BABAM2: variants seen among roughly 807,000 people sequenced by gnomAD.
BABAM2 encodes BRISC and BRCA1-A complex member 2.
Under a neutral mutation model 54.7 loss-of-function variants are expected in BABAM2, and 31 were observed. The observed-to-expected ratio is 0.57, with a 90% CI of 0.43 to 0.77. BABAM2 has a LOEUF of 0.77. Among genes scored for constraint, BABAM2 ranks in the 30% least tolerant of loss-of-function variants. The probability of loss-of-function intolerance (pLI) is 0.00; values close to 1 mark genes in which losing one functional copy is unlikely to be tolerated. For synonymous variants in BABAM2, 167 were observed against 162.9 expected, an observed-to-expected ratio of 1.03 and a Z score of -0.19; for missense variants, 364 against 455.8, an observed-to-expected ratio of 0.80 and a Z score of 1.83.
chr2:28,165,917 C>T (rs1209373131), intron 7 of BABAM2, among the ~76,000 whole-genome samples: 5 of 152,122 alleles, frequency 3.3e-5, no homozygotes, highest in Non-Finnish European at 7.3e-5. Flanking sequence ...GCCTTAACCC[C>T]CTAGTACCTC....
chr2:28,095,896 A>G (rs555792673), intron 6 of BABAM2, among the ~76,000 whole-genome samples: 25 of 152,316 alleles, frequency 1.6e-4, no homozygotes, highest in African/African-American at 5.8e-4. Flanking sequence ...CTGAATTTCT[A>G]CCAAGTACTC....
At chr2:28,160,735 G>GTTTT (rs562679552) in intron 7 of BABAM2, among the ~76,000 whole-genome samples, 5 of 129,170 alleles carry the variant, frequency 3.9e-5, no homozygotes, top group African/African-American at 5.8e-5. Context: ...CATATAAATT[G>GTTTT]TTTTTTTTTT....
chr2:28,006,815 A>G (rs1223783508), intron 4 of BABAM2, among the ~76,000 whole-genome samples: 1 of 152,026 alleles, frequency 6.6e-6, no homozygotes, highest in Non-Finnish European at 1.5e-5. Context: ...TAACCTCTGT[A>G]TACGATATAT....
intron 11 of BABAM2, among the ~76,000 whole-genome samples, chr2:28,303,750 G>T (rs1382792516): frequency 6.6e-6 from 1 of 152,100 alleles, no homozygotes; most frequent in South Asian, 2.1e-4. Context: ...AACAAGGGAA[G>T]AATTGACATT....
At chr2:27,941,555 CAA>C (rs1213873898) in intron 3 of BABAM2, among the ~76,000 whole-genome samples, 5 of 118,242 alleles carry the variant, frequency 4.2e-5, no homozygotes, top group South Asian at 5.3e-4. Flanking sequence ...GACTCCGTCT[CAA>C]AAAAAAAAAA....
intron 7 of BABAM2, among the ~76,000 whole-genome samples, chr2:28,172,309 C>T (rs910473845): frequency 2.0e-5 from 3 of 152,106 alleles, no homozygotes; most frequent in African/African-American, 7.2e-5. Flanking sequence ...ATCAAAACAA[C>T]AAGGACAGGT....
intron 5 of BABAM2, among the ~76,000 whole-genome samples, chr2:28,040,294 CTTTTTTTTTTTT>C (rs397735161): frequency 1.7e-5 from 1 of 59,496 alleles, no homozygotes; most frequent in South Asian, 1.3e-3. Flanking sequence ...AAACTGAATT[CTTTTTTTTTTTT>C]TTTTTTTTTT....
intron 2 of BABAM2, among the ~76,000 whole-genome samples, chr2:27,927,399 A>G (rs1667786883): frequency 6.6e-6 from 1 of 152,228 alleles, no homozygotes; most frequent in Non-Finnish European, 1.5e-5. Flanking sequence ...TTGATTGTGA[A>G]TGGTGTTTTT....
chr2:27,917,590 C>G (rs1667073554), intron 2 of BABAM2, among the ~76,000 whole-genome samples: 1 of 152,052 alleles, frequency 6.6e-6, no homozygotes, highest in South Asian at 2.1e-4. Context: ...ATTTATGAGG[C>G]CTCCGTTTTA....
rs527334959 is a variant in BABAM2, at chr2:28,039,266, TG to T, written c.496-6458del. On this transcript the variant is annotated intron_variant, in intron 5 of 11. Transcript: ENST00000379624. The stretch of plus-strand genomic sequence containing the variant: ...AATAACTGTAGGCAAGTTTCTTGAC[TG>T]TTCTAGGCCTCAGTTTTTTCATTTC... Among the ~76,000 whole-genome samples, 194 of 152,368 alleles carry T rather than the reference TG, an allele frequency of 1.3e-3. 1 individual carries two copies. Among genetic ancestry groups the T allele is most frequent in the Non-Finnish European group, 1.0e-3 (69 of 68,030 alleles).
intron 7 of BABAM2, among the ~76,000 whole-genome samples, chr2:28,162,983 A>G (rs1673247629): frequency 6.6e-6 from 1 of 152,202 alleles, no homozygotes; most frequent in South Asian, 2.1e-4. Context: ...TTAATCCACA[A>G]GTGTAAGAAT....
intron 6 of BABAM2, among the ~76,000 whole-genome samples, chr2:28,089,115 G>A (rs999554705): frequency 5.3e-5 from 8 of 151,646 alleles, no homozygotes; most frequent in African/African-American, 1.9e-4. Context: ...TAATTTTTAC[G>A]AACTCTCCTG....
At chr2:28,013,779 A>G (rs1214283323) in intron 4 of BABAM2, among the ~76,000 whole-genome samples, 1 of 146,706 alleles carries the variant, frequency 6.8e-6, no homozygotes, top group African/African-American at 2.5e-5. Context: ...GTTGGTTGAG[A>G]GGCAGGTCAG....
At chr2:28,297,651 G>C (rs10200882) in intron 10 of BABAM2, among the ~76,000 whole-genome samples, 1 of 152,130 alleles carries the variant, frequency 6.6e-6, no homozygotes, top group Non-Finnish European at 1.5e-5. Context: ...TACCTTATGC[G>C]TTCCATTAAG....
chr2:28,172,681 T>C (rs1437540137), intron 7 of BABAM2, among the ~76,000 whole-genome samples: 6 of 152,204 alleles, frequency 3.9e-5, no homozygotes, highest in Admixed American at 3.9e-4. Flanking sequence ...CATATATGTG[T>C]AATGGGGACG....
chr2:28,214,467 G>C (rs1421417061), intron 7 of BABAM2, among the ~76,000 whole-genome samples: 1 of 152,118 alleles, frequency 6.6e-6, no homozygotes, highest in Non-Finnish European at 1.5e-5. Flanking sequence ...GTGTTCATGA[G>C]AATAGTTCTG....
intron 6 of BABAM2, among the ~76,000 whole-genome samples, chr2:28,056,657 G>A (rs1377193766): frequency 6.6e-6 from 1 of 152,084 alleles, no homozygotes; most frequent in Non-Finnish European, 1.5e-5. Context: ...GTTCACAATT[G>A]GCAAATAGTA....
chr2:28,000,562 C>G (rs1673507745), intron 4 of BABAM2, among the ~76,000 whole-genome samples: 1 of 152,162 alleles, frequency 6.6e-6, no homozygotes, highest in Admixed American at 6.5e-5. Flanking sequence ...TTTCTTTCCC[C>G]CTTTTATCCT....
intron 6 of BABAM2, among the ~76,000 whole-genome samples, chr2:28,111,482 T>C (rs1003516949): frequency 8.5e-5 from 13 of 152,228 alleles, no homozygotes; most frequent in East Asian, 3.8e-4. Flanking sequence ...TTTATGCAAA[T>C]AGTTTTAAAA....
Sources: allele counts gnomAD v4.1 joint callset (sites outside exome capture counted in the v4.1 genomes callset), GRCh38; gene constraint gnomAD v4.1.1; transcripts MANE v1.5; gene names NCBI Gene and HGNC (gene_info 2026-07-23, HGNC 2026-07-21).